Variants in CPED1 observed in about 807,000 individuals in gnomAD.
CPED1 encodes cadherin-like and PC-esterase domain-containing protein 1.
A neutral mutation model predicts 128.2 loss-of-function variants in CPED1; 114 were observed. The ratio of observed to expected loss-of-function variants is 0.89; its 90% CI spans 0.76 to 1.04. The LOEUF (loss-of-function observed/expected upper bound fraction) is 1.04, where lower values mean the gene tolerates loss of function less well. Ranked by LOEUF, CPED1 falls within the 50% of genes least tolerant of loss-of-function variation. The pLI is 0.00. For synonymous variants in CPED1, 462 were observed against 426.7 expected (o/e 1.08, Z -1.02); for missense variants, 1,211 against 1,207.1 (o/e 1.00, Z -0.05).
intron 22 of CPED1, among the ~76,000 whole-genome samples, chr7:121,284,071 C>A (rs1053429830): frequency 1.1e-4 from 16 of 152,272 alleles, no homozygotes; most frequent in Middle Eastern, 3.4e-3. Context: ...AATTGACACA[C>A]AGTTCAGCAC....
At chr7:121,039,833 A>G (rs4730987) in intron 3 of CPED1, among the ~76,000 whole-genome samples, 121,647 of 152,010 alleles carry the variant, frequency 0.8, 48,957 homozygotes, top group East Asian at 0.94. Context: ...TTCCTTTTAC[A>G]CTTTTTTAAA....
At chr7:121,253,845 G>A (rs1008717653) in intron 18 of CPED1, among the ~76,000 whole-genome samples, 2 of 152,018 alleles carry the variant, frequency 1.3e-5, no homozygotes, top group Admixed American at 1.3e-4. Context: ...TAATAATAAA[G>A]AGTAAATCCA....
chr7:121,216,825 G>A (rs140393284), intron 16 of CPED1, among the ~76,000 whole-genome samples: 3 of 152,094 alleles, frequency 2.0e-5, no homozygotes, highest in South Asian at 4.1e-4. Flanking sequence ...ATGGTGGTCC[G>A]TTGTCCACAG....
At chr7:121,038,319 TG>T (rs1354259575) in intron 3 of CPED1, among the ~76,000 whole-genome samples, 2 of 152,086 alleles carry the variant, frequency 1.3e-5, no homozygotes, top group African/African-American at 4.8e-5. Context: ...AGGAGCTGCA[TG>T]TATTAAGAAG....
At chr7:120,995,882 T>G (rs2116740509) in intron 2 of CPED1, among the ~76,000 whole-genome samples, 1 of 141,558 alleles carries the variant, frequency 7.1e-6, no homozygotes, top group Non-Finnish European at 1.6e-5. Context: ...CTCTTCTTCT[T>G]CTTCTTCTTC....
intron 4 of CPED1, among the ~76,000 whole-genome samples, chr7:121,049,166 T>C (rs1793286189): frequency 6.6e-6 from 1 of 152,126 alleles, no homozygotes; most frequent in South Asian, 2.1e-4. Flanking sequence ...GACAAACTAA[T>C]AAAGAAACTA....
chr7:121,018,379 G>A (rs1488903367), intron 3 of CPED1, among the ~76,000 whole-genome samples: 11 of 152,060 alleles, frequency 7.2e-5, no homozygotes, highest in Non-Finnish European at 7.4e-5. Context: ...TATATCAACA[G>A]AGAATATGAA....
chr7:121,120,966 T>TAAAAAAA (rs539242359), intron 7 of CPED1, among the ~76,000 whole-genome samples: 20 of 91,670 alleles, frequency 2.2e-4, no homozygotes, highest in African/African-American at 6.4e-4. Flanking sequence ...GTTCCTGACC[T>TAAAAAAA]AAAAAAAAAA....
At chr7:121,266,519 C>A in intron 19 of CPED1, 72 bp downstream of exon 19, 1 of 1,291,856 alleles carries the variant, frequency 7.7e-7, no homozygotes, top group Non-Finnish European at 1.1e-6. Context: ...CGTCACTGCT[C>A]AACTACTCAC....
intron 16 of CPED1, among the ~76,000 whole-genome samples, chr7:121,163,385 G>A (rs1333596889): frequency 7.2e-5 from 11 of 152,126 alleles, no homozygotes. Flanking sequence ...GAGCTATTGT[G>A]GGAAGACTAT....
intron 2 of CPED1, among the ~76,000 whole-genome samples, chr7:120,996,325 A>G (rs1289780654): frequency 1.3e-5 from 2 of 151,482 alleles, no homozygotes; most frequent in African/African-American, 2.5e-5. Flanking sequence ...AATTTTTAAT[A>G]GAGGTAAAAA....
chr7:121,188,126 G>A (rs573582490), intron 16 of CPED1, among the ~76,000 whole-genome samples: 228 of 151,974 alleles, frequency 1.5e-3, no homozygotes, highest in African/African-American at 5.2e-3. Flanking sequence ...AATATATATC[G>A]AAGCATTTAT....
intron 7 of CPED1, among the ~76,000 whole-genome samples, chr7:121,107,247 C>T (rs1794999720): frequency 6.6e-6 from 1 of 152,020 alleles, no homozygotes; most frequent in Non-Finnish European, 1.5e-5. Context: ...ATCTTTATCC[C>T]TAAGACTTTA....
chr7:121,068,799 G>A (rs961033565), intron 5 of CPED1, among the ~76,000 whole-genome samples: 1 of 151,916 alleles, frequency 6.6e-6, no homozygotes, highest in African/African-American at 2.4e-5. Flanking sequence ...ATTGAGCAGT[G>A]GTTTGTAGTT....
intron 5 of CPED1, among the ~76,000 whole-genome samples, chr7:121,064,548 A>G (rs573791009): frequency 2.6e-5 from 4 of 152,316 alleles, no homozygotes; most frequent in African/African-American, 9.6e-5. Flanking sequence ...TTGCCAGATG[A>G]ATATATTTCT....
intron 5 of CPED1, among the ~76,000 whole-genome samples, chr7:121,091,464 G>A (rs1794570269): frequency 6.6e-6 from 1 of 152,180 alleles, no homozygotes; most frequent in Admixed American, 6.5e-5. Context: ...TTATCTGTTA[G>A]TGAGTAGTGG....
chr7:121,044,648 C>CTT lies in CPED1; in HGVS notation c.434-2238_434-2237insTT, dbSNP rs35159862. Among the ~76,000 whole-genome samples, 69 of 69,510 alleles carry CTT rather than the reference C, an allele frequency of 9.9e-4. 5 individuals are homozygous for CTT. Among genetic ancestry groups the CTT allele is most frequent in the Middle Eastern group, 0.02 (2 of 102 alleles). The allele number at this position is 69,510 out of a possible 152,430, so 45.6% of individuals were successfully genotyped here. ...GATTGCTGAGAGCAGTGACTTTCTG[C>CTT]TCTTTTTTTTTTTTTTTTTTTGCTA... On this transcript the variant is annotated intron_variant, in intron 3 of 22. Coordinates refer to ENST00000310396, the MANE Select transcript of CPED1 (RefSeq NM_024913.5).
In CPED1 at chr7:121,201,174, G is replaced by T. The variant is rs535401564; in HGVS notation, c.2056-35540G>T. On this transcript the variant is annotated intron_variant, in intron 16 of 22. Coordinates refer to ENST00000310396, the MANE Select transcript of CPED1 (RefSeq NM_024913.5). Reference sequence around the variant, plus strand: ...GCTTAGGGAACAAACTCTAGAAAATGTACTTTTCTATCGAGACACCCCAAG... The same window carrying T: ...GCTTAGGGAACAAACTCTAGAAAATTTACTTTTCTATCGAGACACCCCAAG... Among the ~76,000 whole-genome samples, 4 of 152,138 alleles carry T rather than the reference G, an allele frequency of 2.6e-5. No individual in the cohort carries two copies. The East Asian group carries it at 7.8e-4, about 30-fold the overall frequency.
chr7:121,251,425 T>A (rs1423350261), intron 18 of CPED1, among the ~76,000 whole-genome samples: 2 of 152,110 alleles, frequency 1.3e-5, no homozygotes, highest in Non-Finnish European at 2.9e-5. Context: ...ATGCCCTCTC[T>A]CACCACTCCT....
Sources: allele counts gnomAD v4.1 joint callset (sites outside exome capture counted in the v4.1 genomes callset), GRCh38; gene constraint gnomAD v4.1.1; transcripts MANE v1.5; gene names NCBI Gene and HGNC (gene_info 2026-07-23, HGNC 2026-07-21).